Variants in ENOX1 observed in about 807,000 individuals in gnomAD.
The protein encoded by ENOX1 is ecto-NOX disulfide-thiol exchanger 1.
Under a neutral mutation model 82.5 loss-of-function variants are expected in ENOX1, and 42 were observed. The observed-to-expected ratio is 0.51, with a 90% CI of 0.40 to 0.66. The LOEUF is 0.66. Among genes scored for constraint, ENOX1 ranks in the 30% least tolerant of loss-of-function variants. The pLI, the probability that ENOX1 is intolerant of heterozygous loss-of-function variation, is 0.00. For missense variants in ENOX1, 608 were observed against 811.6 expected (o/e 0.75, Z 3.05); for synonymous variants, 271 against 282.2 (o/e 0.96, Z 0.40).
intron 13 of ENOX1, among the ~76,000 whole-genome samples, chr13:43,268,164 C>T (rs1283111839): frequency 6.6e-6 from 1 of 151,946 alleles, no homozygotes; most frequent in East Asian, 1.9e-4. Context: ...TCAAAGCTAT[C>T]TAAAAGAAAA....
At chr13:43,657,829 T>A (rs6561137) in intron 2 of ENOX1, among the ~76,000 whole-genome samples, 65,697 of 152,124 alleles carry the variant, frequency 0.43, 14,602 homozygotes, top group Middle Eastern at 0.49. Context: ...ACACAGTTTA[T>A]AAATTCGGGC....
chr13:43,420,605 G>C (rs906765341), intron 3 of ENOX1, among the ~76,000 whole-genome samples: 1 of 152,126 alleles, frequency 6.6e-6, no homozygotes, highest in Admixed American at 6.5e-5. Context: ...ATGTTCTGAG[G>C]GGAAAGAAAG....
chr13:43,646,498 T>G (rs1055287048), intron 2 of ENOX1, among the ~76,000 whole-genome samples: 2 of 152,228 alleles, frequency 1.3e-5, no homozygotes, highest in Non-Finnish European at 2.9e-5. Context: ...CTGACGACTC[T>G]GCAGCTACTG....
At chr13:43,593,092 G>T (rs1038492720) in intron 2 of ENOX1, among the ~76,000 whole-genome samples, 1 of 152,142 alleles carries the variant, frequency 6.6e-6, no homozygotes, top group African/African-American at 2.4e-5. Context: ...TGTATAACTG[G>T]ATTAAAAATT....
At chr13:43,425,649 G>A (rs1219305895) in intron 3 of ENOX1, among the ~76,000 whole-genome samples, 1 of 152,128 alleles carries the variant, frequency 6.6e-6, no homozygotes, top group Non-Finnish European at 1.5e-5. Flanking sequence ...TCTCAACTAG[G>A]CACTAGAGGC....
At chr13:43,389,796 G>A (rs1375301693) in intron 5 of ENOX1, among the ~76,000 whole-genome samples, 1 of 152,180 alleles carries the variant, frequency 6.6e-6, no homozygotes, top group East Asian at 1.9e-4. Flanking sequence ...TCTTGTTTAA[G>A]TGAAAATATC....
rs541543013 is a variant in ENOX1, at chr13:43,398,958, C to T, written c.208+12958G>A. 3.3e-5 allele frequency among the ~76,000 whole-genome samples: 5 copies of T among 151,524 alleles called. No homozygotes were observed. The East Asian group carries it at 9.8e-4, about 30-fold the overall frequency. On this transcript the variant is annotated intron_variant, in intron 5 of 16. Coordinates refer to ENST00000690772, the MANE Select transcript of ENOX1 (RefSeq NM_001347969.2). ...CTACAGGTGCATGCCACCATGCCCC[C>T]ACTAATTTTTTTTTTCAGAGGTAGG... is the stretch of plus-strand genomic sequence containing the variant.
chr13:43,309,126 A>G (rs1297781699), intron 11 of ENOX1, among the ~76,000 whole-genome samples: 4 of 149,320 alleles, frequency 2.7e-5, no homozygotes, highest in Non-Finnish European at 5.9e-5. Flanking sequence ...GGCTTACACG[A>G]TTCTCCTGCC....
At chr13:43,725,420 G>A (rs1393131294) in intron 1 of ENOX1, among the ~76,000 whole-genome samples, 1 of 152,106 alleles carries the variant, frequency 6.6e-6, no homozygotes, top group Non-Finnish European at 1.5e-5. Flanking sequence ...CCAAGTAGTA[G>A]TGTTATTCTT....
intron 3 of ENOX1, among the ~76,000 whole-genome samples, chr13:43,457,127 A>G (rs898164657): frequency 8.5e-5 from 13 of 152,210 alleles, no homozygotes; most frequent in Non-Finnish European, 1.5e-4. Context: ...TTTCTGGAAC[A>G]GGAAGATATG....
At chr13:43,465,086 C>T (rs1251857324) in intron 3 of ENOX1, among the ~76,000 whole-genome samples, 2 of 152,136 alleles carry the variant, frequency 1.3e-5, no homozygotes, top group African/African-American at 4.8e-5. Context: ...TAACCTTGAT[C>T]ACCTGGTTAA....
At position 43,585,856 on chromosome 13, in the gene ENOX1, C is replaced by T. The variant is rs549005266; in HGVS notation, c.-219+81623G>A. On this transcript the variant is annotated intron_variant, in intron 2 of 16. Coordinates refer to ENST00000690772, the MANE Select transcript of ENOX1 (RefSeq NM_001347969.2). ...CCTCCCAAAGTGCTGGGATTACAGG[C>T]GTGAGCCACTGCACCTGGCCAAGTT... Among the ~76,000 whole-genome samples the T allele has an allele frequency of 1.4e-3, 206 of 152,274 alleles. 2 individuals are homozygous for T. Among genetic ancestry groups the T allele is most frequent in the Admixed American group, 2.3e-3 (35 of 15,296 alleles).
chr13:43,684,389 G>T (rs1382783557), intron 1 of ENOX1, among the ~76,000 whole-genome samples: 1 of 152,162 alleles, frequency 6.6e-6, no homozygotes, highest in Non-Finnish European at 1.5e-5. Context: ...CACTAAAATT[G>T]AATTGTCTAG....
chr13:43,559,276 A>G (rs945563379), intron 2 of ENOX1, among the ~76,000 whole-genome samples: 6 of 152,232 alleles, frequency 3.9e-5, no homozygotes, highest in African/African-American at 1.4e-4. Flanking sequence ...TGGCTCCTCC[A>G]AACACATGCA....
chr13:43,291,851 T>C (rs1042555098), intron 12 of ENOX1, among the ~76,000 whole-genome samples: 2 of 151,926 alleles, frequency 1.3e-5, no homozygotes, highest in Non-Finnish European at 2.9e-5. Context: ...GTTCCAGGAG[T>C]TCCTAGTGTA....
At position 43,741,260 on chromosome 13, in the gene ENOX1, T is replaced by C. The variant is rs570642321; in HGVS notation, c.-285+45392A>G. Among the ~76,000 whole-genome samples the C allele has an allele frequency of 2.1e-4, 32 of 152,204 alleles. No homozygotes were observed. In the South Asian group the frequency reaches 3.9e-3, roughly 19 times the overall value. Reference sequence around the variant, plus strand: ...CCACCACGCCTGGCTAAATTTTGTATTTTCAGTAGAGACGGGGTTTCACCA... The same window carrying C: ...CCACCACGCCTGGCTAAATTTTGTACTTTCAGTAGAGACGGGGTTTCACCA... On this transcript the variant is annotated intron_variant, in intron 1 of 16. Transcript: ENST00000690772.
At chr13:43,704,313 C>T (rs998425921) in intron 1 of ENOX1, among the ~76,000 whole-genome samples, 29 of 152,002 alleles carry the variant, frequency 1.9e-4, no homozygotes, top group African/African-American at 7.0e-4. Flanking sequence ...AATCAAGACC[C>T]TCAGAGAAGT....
chr13:43,623,592 G>A (rs1266544804), intron 2 of ENOX1, among the ~76,000 whole-genome samples: 1 of 152,128 alleles, frequency 6.6e-6, no homozygotes, highest in African/African-American at 2.4e-5. Context: ...CAGTTTTGCG[G>A]GGTGGTATCC....
In ENOX1 at chr13:43,617,024, A is replaced by G. The variant is rs373386134; in HGVS notation, c.-219+50455T>C. On this transcript the variant is annotated intron_variant, in intron 2 of 16. Transcript: ENST00000690772. ...TTCAAACTATTTAGGTAAGATGTTA[A>G]CAGTGTGGTTTTGAGAGTTACATGT... 1.9e-3 allele frequency among the ~76,000 whole-genome samples: 282 copies of G among 152,298 alleles called. 1 individual carries two copies. The highest frequency in any genetic ancestry group is 5.6e-3 in the African/African-American group (233 of 41,560).
Sources: allele counts gnomAD v4.1 joint callset (sites outside exome capture counted in the v4.1 genomes callset), GRCh38; gene constraint gnomAD v4.1.1; transcripts MANE v1.5; gene names NCBI Gene and HGNC (gene_info 2026-07-23, HGNC 2026-07-21).